The following ABCA1 variants were observed in gnomAD, a reference collection of about 807,000 sequenced individuals.
The protein encoded by ABCA1 is phospholipid-transporting ATPase ABCA1.
A neutral mutation model predicts 262.5 loss-of-function variants in ABCA1; 133 were observed. The ratio of observed to expected loss-of-function variants is 0.51; its 90% CI spans 0.44 to 0.59. The LOEUF is 0.59. Among genes scored for constraint, ABCA1 ranks in the 20% least tolerant of loss-of-function variants. The pLI, the probability that ABCA1 is intolerant of heterozygous loss-of-function variation, is 0.00. For missense variants in ABCA1, 2,452 were observed against 2,777.5 expected (o/e 0.88, Z 2.63); for synonymous variants, 1,022 against 1,043.5 (o/e 0.98, Z 0.40).
chr9:104,916,621 G>A (rs1157636341), intron 1 of ABCA1, among the ~76,000 whole-genome samples: 2 of 152,216 alleles, frequency 1.3e-5, no homozygotes, highest in East Asian at 3.8e-4. Flanking sequence ...GTTAATGGCA[G>A]CTGGAGAATA....
chr9:104,865,626 T>C (rs772885955), intron 5 of ABCA1, among the ~76,000 whole-genome samples: 8 of 152,218 alleles, frequency 5.3e-5, no homozygotes, highest in South Asian at 4.2e-4. Flanking sequence ...AAACCTAAAT[T>C]TGATACTGCA....
intron 8 of ABCA1, 128 bp from the exon 9 acceptor site, chr9:104,840,647 T>C (rs1834285809): frequency 2.0e-6 from 2 of 1,010,816 alleles, no homozygotes; most frequent in Non-Finnish European, 1.4e-6. Context: ...TCCCAGAACA[T>C]ATTTTGTCTG....
In ABCA1 at chr9:104,831,753, A is replaced by T. The variant is rs1323033872; in HGVS notation, c.1584T>A (p.Asp528Glu). Residue 528 changes from aspartate (D) to glutamate (E), a missense_variant, in exon 13 of 50, where the codon GAT (aspartate) becomes GAA (glutamate). By Grantham distance (45) the Asp-to-Glu change is conservative (BLOSUM62 2). Coordinates refer to ENST00000374736, the MANE Select transcript of ABCA1 (RefSeq NM_005502.4). ...WLINKSMELLDERKFWAGIVF... is the reference protein window; with the variant it reads ...WLINKSMELLEERKFWAGIVF... The stretch of plus-strand genomic sequence containing the variant: ...CAATACCAGCCCAGAACTTCCTCTC[A>T]TCCAGCAGCTCCATGGACTTGTTGA... 2 of 1,614,154 alleles carry T rather than the reference A, an allele frequency of 1.2e-6. No individual in the cohort carries two copies. Among genetic ancestry groups the T allele is most frequent in the East Asian group, 2.2e-5 (1 of 44,882 alleles).
chr9:104,848,430 C>T (rs919373127), intron 7 of ABCA1, among the ~76,000 whole-genome samples: 1 of 152,016 alleles, frequency 6.6e-6, no homozygotes, highest in African/African-American at 2.4e-5. Context: ...GCCTGGCCAA[C>T]ACGGCGAAAC....
At chr9:104,903,831 A>G (rs1840868242) in intron 1 of ABCA1, 60 bp from the exon 2 acceptor site, 6 of 726,982 alleles carry the variant, frequency 8.3e-6, no homozygotes, top group Non-Finnish European at 1.4e-5. Context: ...CCATACACCA[A>G]TGAGGACTGC....
intron 1 of ABCA1, among the ~76,000 whole-genome samples, chr9:104,924,177 T>C (rs1330275835): frequency 6.6e-6 from 1 of 152,228 alleles, no homozygotes; most frequent in Non-Finnish European, 1.5e-5. Context: ...ACGAAGATGG[T>C]TGCATTTTTT....
At chr9:104,886,504 G>A (rs934176858) in intron 3 of ABCA1, among the ~76,000 whole-genome samples, 4 of 152,142 alleles carry the variant, frequency 2.6e-5, no homozygotes, top group Admixed American at 2.6e-4. Flanking sequence ...AAGGCCCCTT[G>A]CCTAAGTCAG....
chr9:104,814,262 T>TA (rs1564117099), intron 26 of ABCA1, 31 bp from the exon 27 acceptor site: 1 of 1,610,176 alleles, frequency 6.2e-7, no homozygotes, highest in Admixed American at 1.7e-5. Flanking sequence ...TCCCATACTT[T>TA]ATTTTATTTA....
chr9:104,895,570 T>A (rs559090527), intron 2 of ABCA1, among the ~76,000 whole-genome samples: 35 of 152,238 alleles, frequency 2.3e-4, no homozygotes, highest in African/African-American at 8.0e-4. Context: ...AGAGTTATTA[T>A]GAGAATTAAA....
chr9:104,916,499 C>T (rs765529182), intron 1 of ABCA1, among the ~76,000 whole-genome samples: 10 of 152,182 alleles, frequency 6.6e-5, no homozygotes, highest in Non-Finnish European at 1.3e-4. Flanking sequence ...CATCTACAGA[C>T]ACAATTTCTT....
rs1829551633 is a variant in ABCA1 at position 104,792,916 on chromosome 9, A to G, written c.5637-10T>C. ...CTTTGCATTTACAGGTCTTGGGGGA[A>G]AAAACAAGAAAAATGAACCTTTCAA... On this transcript the variant is annotated splice_polypyrimidine_tract_variant and intron_variant, in intron 41 of 49. Coordinates refer to ENST00000374736, the MANE Select transcript of ABCA1 (RefSeq NM_005502.4). The G allele has an allele frequency of 1.2e-6, 2 of 1,613,912 alleles. No homozygotes were observed. The highest frequency in any genetic ancestry group is 8.5e-7 in the Non-Finnish European group (1 of 1,179,980).
intron 5 of ABCA1, among the ~76,000 whole-genome samples, chr9:104,869,554 G>T (rs187868277): frequency 6.6e-6 from 1 of 152,116 alleles, no homozygotes; most frequent in Non-Finnish European, 1.5e-5. Context: ...AAGAATAGAC[G>T]ATGCCTGCTT....
At chr9:104,818,941 C>A in intron 22 of ABCA1, 58 bp from the exon 23 acceptor site, 2 of 1,476,044 alleles carry the variant, frequency 1.4e-6, no homozygotes, top group South Asian at 2.4e-5. Flanking sequence ...TCTGATTTGT[C>A]ACAGTGACAG....
At chr9:104,867,483 G>C (rs1837202611) in intron 5 of ABCA1, among the ~76,000 whole-genome samples, 1 of 152,198 alleles carries the variant, frequency 6.6e-6, no homozygotes, top group Non-Finnish European at 1.5e-5. Flanking sequence ...AAGTGGCTTT[G>C]GCGGCTAAGT....
Position 104,789,119 on chromosome 9 carries a change from G to A in ABCA1, c.5928-552C>T, listed in dbSNP as rs75191865. On this transcript the variant is annotated intron_variant, in intron 44 of 49. Transcript: ENST00000374736. ...CTGATGACTGCACCTCAGCCACAGC[G>A]GCATTGCCATGAACTTGGCCTTCTG... Among the ~76,000 whole-genome samples, 202 of 152,294 alleles carry A rather than the reference G, an allele frequency of 1.3e-3. 3 individuals are homozygous for A. Among genetic ancestry groups the A allele is most frequent in the Admixed American group, 7.7e-3 (118 of 15,302 alleles).
chr9:104,904,101 G>A (rs1840893581), intron 1 of ABCA1, among the ~76,000 whole-genome samples: 1 of 152,172 alleles, frequency 6.6e-6, no homozygotes, highest in South Asian at 2.1e-4. Context: ...GATGGAAATG[G>A]CATACTGGAA....
At chr9:104,866,498 T>A (rs72732693) in intron 5 of ABCA1, among the ~76,000 whole-genome samples, 11,438 of 151,316 alleles carry the variant, frequency 0.076, 610 homozygotes, top group African/African-American at 0.15. Context: ...TTTTTTTTTT[T>A]AATACAGAGT....
In ABCA1 at chr9:104,819,967, C is replaced by G; in HGVS notation, c.3063G>C (p.Leu1021Phe). 6.2e-7 allele frequency: 1 copy of G among 1,613,982 alleles called. No individual in the cohort carries two copies. The highest frequency in any genetic ancestry group is 8.5e-7 in the Non-Finnish European group (1 of 1,180,002). The change falls in exon 21 of 50, where the codon TTG (leucine) becomes TTC (phenylalanine). Residue 1021 changes from leucine (L) to phenylalanine (F), a missense_variant. This residue lies in a region of ABCA1 where 665 missense variants were observed against 727.3 expected (regional missense o/e 0.91). Coordinates refer to ENST00000374736, the MANE Select transcript of ABCA1 (RefSeq NM_005502.4). ...TTTTGCTTTTCAGCTTGCTTGATGG[C>G]AAACCAACATCCAGGGCCATCTGCT... is the stretch of plus-strand genomic sequence containing the variant. ...EMEQMALDVGLPSSKLKSKTS... is the reference protein window; with the variant it reads ...EMEQMALDVGFPSSKLKSKTS...
intron 13 of ABCA1, 24 bp downstream of exon 13, chr9:104,831,598 C>T: frequency 6.3e-7 from 1 of 1,598,476 alleles, no homozygotes. Flanking sequence ...CAAGACCAGG[C>T]TGGTGTGATG....
Sources: gnomAD v4.1 joint callset for allele counts (sites outside exome capture counted in the v4.1 genomes callset) on GRCh38, gnomAD v4.1.1 for gene constraint, gnomAD v4.1.1 regional missense constraint, MANE v1.5 for transcripts, NCBI Gene and HGNC (gene_info 2026-07-23, HGNC 2026-07-21) for gene names.